Variants in LAMA4 observed in about 807,000 individuals in gnomAD.
LAMA4 encodes laminin subunit alpha 4, also known as laminin subunit alpha-4.
Under a neutral mutation model 207.1 loss-of-function variants are expected in LAMA4, and 127 were observed. The ratio of observed to expected loss-of-function variants is 0.61; its 90% CI spans 0.53 to 0.71. The LOEUF (loss-of-function observed/expected upper bound fraction) is 0.71, where lower values mean the gene tolerates loss of function less well. Among genes scored for constraint, LAMA4 ranks in the 30% least tolerant of loss-of-function variants. The probability of loss-of-function intolerance (pLI) is 0.00; values close to 1 mark genes in which losing one functional copy is unlikely to be tolerated. For missense variants in LAMA4, 2,093 were observed against 2,246.5 expected, an observed-to-expected ratio of 0.93 and a Z score of 1.38; for synonymous variants, 761 against 816.0, an observed-to-expected ratio of 0.93 and a Z score of 1.15.
At chr6:112,149,448 T>C (rs1334629876) in intron 17 of LAMA4, among the ~76,000 whole-genome samples, 1 of 152,178 alleles carries the variant, frequency 6.6e-6, no homozygotes, top group Non-Finnish European at 1.5e-5. Flanking sequence ...AATTGGATCA[T>C]GGGGACAGTT....
intron 13 of LAMA4, among the ~76,000 whole-genome samples, chr6:112,160,966 C>G (rs1452620184): frequency 2.0e-5 from 3 of 152,238 alleles, no homozygotes; most frequent in African/African-American, 7.2e-5. Flanking sequence ...CCGCTCTTCT[C>G]TCACCAATTT....
At chr6:112,206,275 G>A (rs1784053190) in intron 4 of LAMA4, among the ~76,000 whole-genome samples, 1 of 152,140 alleles carries the variant, frequency 6.6e-6, no homozygotes, top group African/African-American at 2.4e-5. Flanking sequence ...CTCTTAATCT[G>A]TGGGATCTGC....
rs138285429 is a variant in LAMA4 at position 112,127,279 on chromosome 6, GA to G, written c.4287+1642del. On this transcript the variant is annotated intron_variant, in intron 31 of 38. Transcript: ENST00000230538. The stretch of plus-strand genomic sequence containing the variant: ...AAGGACTATGAAAAAAGAATAGAAA[GA>G]GGCAAAAGAGCAGTATTACTGGTAG... Among the ~76,000 whole-genome samples the G allele has an allele frequency of 6.9e-3, 1,050 of 152,070 alleles. 18 individuals are homozygous for G. The highest frequency in any genetic ancestry group is 0.024 in the African/African-American group (991 of 41,478).
intron 10 of LAMA4, among the ~76,000 whole-genome samples, chr6:112,176,619 C>T (rs1554343827): frequency 6.6e-6 from 1 of 152,184 alleles, no homozygotes; most frequent in Non-Finnish European, 1.5e-5. Context: ...AAATATTAAC[C>T]TGCGAAATAA....
At chr6:112,151,503 C>A (rs976272929) in intron 16 of LAMA4, among the ~76,000 whole-genome samples, 1 of 152,066 alleles carries the variant, frequency 6.6e-6, no homozygotes, top group Admixed American at 6.5e-5. Context: ...ATCTTCTACT[C>A]AATGAATATG....
Position 112,150,406 on chromosome 6 carries a change from G to A in LAMA4, c.2173+105C>T, listed in dbSNP as rs1327899388. On this transcript the variant is annotated intron_variant, in intron 17 of 38. Coordinates refer to ENST00000230538, the MANE Select transcript of LAMA4 (RefSeq NM_001105206.3). Reference sequence around the variant, plus strand: ...TTTGTCATCAGAAAATAACATTTATGTATAAAATCATTGACAAACAAAGAA... The same window carrying A: ...TTTGTCATCAGAAAATAACATTTATATATAAAATCATTGACAAACAAAGAA... The A allele has an allele frequency of 4.9e-6, 4 of 821,144 alleles. No individual in the cohort carries two copies. In the East Asian group the frequency reaches 7.3e-5, roughly 15 times the overall value. The allele number at this position is 821,144 out of a possible 1,614,324, so 50.9% of individuals were successfully genotyped here.
chr6:112,196,970 T>G (rs1296579146), intron 5 of LAMA4, among the ~76,000 whole-genome samples: 1 of 152,104 alleles, frequency 6.6e-6, no homozygotes, highest in Non-Finnish European at 1.5e-5. Context: ...AAAGAAGCCA[T>G]TGTGTGATTC....
chr6:112,128,323 A>C (rs782777523), intron 31 of LAMA4, among the ~76,000 whole-genome samples: 5 of 152,178 alleles, frequency 3.3e-5, no homozygotes, highest in African/African-American at 9.7e-5. Flanking sequence ...GTTAAGTGAA[A>C]TAAGGCAGGC....
At chr6:112,119,549 T>TA (rs587684680) in intron 33 of LAMA4, among the ~76,000 whole-genome samples, 125 of 152,348 alleles carry the variant, frequency 8.2e-4, no homozygotes, top group African/African-American at 2.9e-3. Context: ...TCTGTTTTGT[T>TA]ATACAGCATA....
chr6:112,175,007 T>C (rs1554343142), intron 11 of LAMA4, among the ~76,000 whole-genome samples: 10 of 152,252 alleles, frequency 6.6e-5, no homozygotes. Flanking sequence ...TTAAATGTAG[T>C]TCTGGGAATT....
intron 4 of LAMA4, 38 bp from the exon 5 acceptor site, chr6:112,201,726 C>T (rs1417394423): frequency 6.6e-7 from 1 of 1,524,986 alleles, no homozygotes; most frequent in East Asian, 2.2e-5. Context: ...CAATTCCATA[C>T]ATCACCAAAG....
intron 12 of LAMA4, among the ~76,000 whole-genome samples, chr6:112,168,840 T>C (rs1369561816): frequency 6.6e-6 from 1 of 152,162 alleles, no homozygotes; most frequent in African/African-American, 2.4e-5. Flanking sequence ...CAGGAACCAC[T>C]GGACTGGAAT....
At chr6:112,243,822 C>A (rs1554188168) in intron 2 of LAMA4, among the ~76,000 whole-genome samples, 1 of 152,208 alleles carries the variant, frequency 6.6e-6, no homozygotes. Flanking sequence ...CTTTGGGAGG[C>A]CCAGGCAGGG....
chr6:112,236,784 A>G (rs1785956139), intron 2 of LAMA4: 1 of 152,192 alleles, frequency 6.6e-6, no homozygotes, highest in Non-Finnish European at 1.5e-5. Context: ...TATAGACATA[A>G]TGTTCATCAT....
In LAMA4 at chr6:112,130,903, G is replaced by A. The variant is rs1432125154; in HGVS notation, c.3968+65C>T. 3 of 1,549,986 alleles carry A rather than the reference G, an allele frequency of 1.9e-6. No homozygotes were observed. In the East Asian group the frequency reaches 6.7e-5, roughly 35 times the overall value. On this transcript the variant is annotated intron_variant, in intron 29 of 38. Coordinates refer to ENST00000230538, the MANE Select transcript of LAMA4 (RefSeq NM_001105206.3). ...ATAGGACAGCCTATTATTCATAGTG[G>A]TTTTTGACATAATCATGTCCCACAA...
chr6:112,119,370 CTG>C lies in LAMA4; in HGVS notation c.4666-61_4666-60del, dbSNP rs1299031451. The C allele has an allele frequency of 5.2e-5, 82 of 1,568,442 alleles. 2 individuals carry two copies. In the South Asian group the frequency reaches 7.0e-4, roughly 13 times the overall value. On this transcript the variant is annotated intron_variant, in intron 33 of 38. Coordinates refer to ENST00000230538, the MANE Select transcript of LAMA4 (RefSeq NM_001105206.3). ...GTACATTCCAAGATTGCAGAAAAGG[CTG>C]TGTTTCCTCTTCTTCCAACTTTGCT...
At position 112,140,001 on chromosome 6, in the gene LAMA4, T is replaced by A. The variant is rs1025979758; in HGVS notation, c.2977-116A>T. 6.9e-5 allele frequency: 70 copies of A among 1,020,034 alleles called. No homozygotes were observed. In the Admixed American group the frequency reaches 1.3e-3, roughly 19 times the overall value. 63.2% of individuals were successfully genotyped at this position (1,020,034 alleles called of 1,614,324 possible). A position where few individuals can be genotyped will look rare whatever the true frequency, so the allele number is the denominator to read the frequency against. On this transcript the variant is annotated intron_variant, in intron 22 of 38. Coordinates refer to ENST00000230538, the MANE Select transcript of LAMA4 (RefSeq NM_001105206.3). The stretch of plus-strand genomic sequence containing the variant: ...GGAGACCTACCCCTTTGTGGAAATA[T>A]CTTTCTAGACCCGAGTGTGTTTATG...
At chr6:112,169,895 A>T (rs1315025508) in intron 12 of LAMA4, among the ~76,000 whole-genome samples, 2 of 152,232 alleles carry the variant, frequency 1.3e-5, no homozygotes, top group Non-Finnish European at 2.9e-5. Context: ...TACATTTACA[A>T]AGTCCACTGT....
In LAMA4 at chr6:112,141,551, T is replaced by C. The variant is rs78253477; in HGVS notation, c.2668-48A>G. ...GTCATTTAAATAAAATTCATAAGAA[T>C]GAACATCATCTTTTTTAAAGGACAA... On this transcript the variant is annotated intron_variant, in intron 20 of 38. Transcript: ENST00000230538. The C allele has an allele frequency of 4.2e-4, 582 of 1,375,306 alleles. 5 individuals are homozygous for C. The East Asian group carries it at 8.7e-3, about 20-fold the overall frequency. The allele number at this position is 1,375,306 out of a possible 1,614,324, so 85.2% of individuals were successfully genotyped here. A position where few individuals can be genotyped will look rare whatever the true frequency, so the allele number is the denominator to read the frequency against.
Sources: allele counts gnomAD v4.1 joint callset (sites outside exome capture counted in the v4.1 genomes callset), GRCh38; gene constraint gnomAD v4.1.1; transcripts MANE v1.5; gene names NCBI Gene and HGNC (gene_info 2026-07-23, HGNC 2026-07-21).